The following IQSEC1 variants were observed in gnomAD, a reference collection of about 807,000 sequenced individuals.
IQSEC1 encodes IQ motif and SEC7 domain-containing protein 1.
A neutral mutation model predicts 91.0 loss-of-function variants in IQSEC1; 31 were observed. That is an observed-to-expected ratio of 0.34 (90% CI 0.26 to 0.46). The LOEUF (loss-of-function observed/expected upper bound fraction) is 0.46. IQSEC1 is among the 20% of genes least tolerant of loss of function. IQSEC1 has a pLI of 1.00. For missense variants in IQSEC1, 1,388 were observed against 1,575.6 expected, an observed-to-expected ratio of 0.88 and a Z score of 2.02; for synonymous variants, 699 against 662.6, an observed-to-expected ratio of 1.05 and a Z score of -0.84.
At chr3:13,241,507 C>A (rs1182520865) in intron 1 of IQSEC1, among the ~76,000 whole-genome samples, 2 of 152,256 alleles carry the variant, frequency 1.3e-5, no homozygotes. Flanking sequence ...AGCCACCTTG[C>A]CCAGCCCTTG....
chr3:13,269,361 CT>C (rs1212874868), intron 1 of IQSEC1, among the ~76,000 whole-genome samples: 2 of 152,364 alleles, frequency 1.3e-5, no homozygotes, highest in Non-Finnish European at 2.9e-5. Flanking sequence ...TCCAGACCCC[CT>C]TTCCCTCTCT....
At chr3:13,018,896 G>T (rs1703267050) in intron 1 of IQSEC1, among the ~76,000 whole-genome samples, 1 of 152,184 alleles carries the variant, frequency 6.6e-6, no homozygotes, top group African/African-American at 2.4e-5. Context: ...TTGAACTCAG[G>T]TCAGCCTGAT....
At chr3:13,126,091 C>A (rs1358661635) in intron 2 of IQSEC1, among the ~76,000 whole-genome samples, 1 of 152,194 alleles carries the variant, frequency 6.6e-6, no homozygotes, top group African/African-American at 2.4e-5. Context: ...ACACACAATA[C>A]TCTGGACATA....
intron 1 of IQSEC1, among the ~76,000 whole-genome samples, chr3:13,071,284 A>C (rs996939542): frequency 2.0e-5 from 3 of 151,382 alleles, no homozygotes; most frequent in Non-Finnish European, 4.4e-5. Flanking sequence ...CAGTTTCCCC[A>C]TCTCTAAAAT....
intron 1 of IQSEC1, among the ~76,000 whole-genome samples, chr3:13,249,571 C>T (rs1695160624): frequency 6.6e-6 from 1 of 152,156 alleles, no homozygotes; most frequent in East Asian, 1.9e-4. Context: ...TCCCTTACTT[C>T]AGTCACATTA....
At position 13,066,796 on chromosome 3, in the gene IQSEC1, T is replaced by G. The variant is rs375373063; in HGVS notation, c.23+6196A>C. 4.2e-3 allele frequency among the ~76,000 whole-genome samples: 635 copies of G among 152,358 alleles called. 45 individuals are homozygous for G. In the South Asian group the frequency reaches 0.11, roughly 27 times the overall value. On this transcript the variant is annotated intron_variant, in intron 1 of 13. Coordinates refer to ENST00000613206, the MANE Select transcript of IQSEC1 (RefSeq NM_001134382.3). ...GTCCCTTCTCTGGGCGGTAGCTCCATGCAGGCAGGGCGGGCCTGGTCCATT... is the reference window on the plus strand; with the variant it reads ...GTCCCTTCTCTGGGCGGTAGCTCCAGGCAGGCAGGGCGGGCCTGGTCCATT...
chr3:12,916,233 T>C (rs1042836868), intron 6 of IQSEC1, among the ~76,000 whole-genome samples: 20 of 152,134 alleles, frequency 1.3e-4, no homozygotes, highest in African/African-American at 4.3e-4. Flanking sequence ...CTAAAACACC[T>C]TGCCCACAGC....
intron 1 of IQSEC1, among the ~76,000 whole-genome samples, chr3:13,254,903 C>T (rs548002970): frequency 1.3e-4 from 20 of 152,326 alleles, no homozygotes; most frequent in African/African-American, 3.8e-4. Context: ...GGCCTCCATG[C>T]GGTCTCTGTG....
chr3:13,122,938 T>C (rs1576260359), intron 2 of IQSEC1, among the ~76,000 whole-genome samples: 1 of 152,124 alleles, frequency 6.6e-6, no homozygotes, highest in Non-Finnish European at 1.5e-5. Flanking sequence ...CACAGGCTGG[T>C]GACCCGGCCC....
Position 12,908,220 on chromosome 3 carries a change from G to A in IQSEC1, c.2755+129C>T. 1.1e-6 allele frequency: 1 copy of A among 931,236 alleles called. No individual in the cohort carries two copies. The highest frequency in any genetic ancestry group is 1.6e-6 in the Non-Finnish European group (1 of 626,996). 57.7% of individuals were successfully genotyped at this position (931,236 alleles called of 1,614,324 possible). On this transcript the variant is annotated intron_variant, in intron 12 of 13. Coordinates refer to ENST00000613206, the MANE Select transcript of IQSEC1 (RefSeq NM_001134382.3). The surrounding 1 kb of genome is among the most constrained non-coding windows in gnomAD (Gnocchi z 4.9). ...TCACACGCTGCTCTGCTTTGCGGAAGGTCAGGGGAAATGCCGCACTGGCTT... is the reference window on the plus strand; with the variant it reads ...TCACACGCTGCTCTGCTTTGCGGAAAGTCAGGGGAAATGCCGCACTGGCTT...
intron 1 of IQSEC1, among the ~76,000 whole-genome samples, chr3:13,181,555 A>C (rs1693844998): frequency 6.6e-6 from 1 of 152,248 alleles, no homozygotes; most frequent in Non-Finnish European, 1.5e-5. Flanking sequence ...ATTACAGGCC[A>C]GGCACTATAC....
At chr3:13,057,818 T>C (rs1057010177) in intron 1 of IQSEC1, among the ~76,000 whole-genome samples, 1 of 152,146 alleles carries the variant, frequency 6.6e-6, no homozygotes, top group Non-Finnish European at 1.5e-5. Context: ...CTCCCTGCTG[T>C]TTTAGGGCTC....
chr3:12,899,283 A>T lies in IQSEC1; in HGVS notation c.*1700T>A. On this transcript the variant is annotated 3_prime_UTR_variant, in exon 14 of 14. Transcript: ENST00000613206. The stretch of plus-strand genomic sequence containing the variant: ...CCGGCCACGGCTCACCACGCTGTCC[A>T]CTGGGAACGCGGCCCCGCGGCCCGC... 1 of 1,275,370 alleles carries T rather than the reference A, an allele frequency of 7.8e-7. No homozygotes were observed. Among genetic ancestry groups the T allele is most frequent in the Non-Finnish European group, 1.1e-6 (1 of 902,784 alleles). The allele number at this position is 1,275,370 out of a possible 1,614,324, so 79.0% of individuals were successfully genotyped here. A position where few individuals can be genotyped will look rare whatever the true frequency, so the allele number is the denominator to read the frequency against.
At chr3:13,204,539 GCTGCGCCT>G (rs1694305877) in intron 1 of IQSEC1, among the ~76,000 whole-genome samples, 1 of 152,238 alleles carries the variant, frequency 6.6e-6, no homozygotes, top group African/African-American at 2.4e-5. Context: ...AGCGGCTCAC[GCTGCGCCT>G]CAGCTGCCCC....
intron 2 of IQSEC1, among the ~76,000 whole-genome samples, chr3:13,155,354 T>C (rs1224997229): frequency 1.3e-5 from 2 of 152,192 alleles, no homozygotes; most frequent in East Asian, 1.9e-4. Context: ...CTGTAAGTAA[T>C]TGTACAAGAA....
chr3:13,055,963 A>G (rs1241287094), intron 1 of IQSEC1, among the ~76,000 whole-genome samples: 1 of 151,980 alleles, frequency 6.6e-6, no homozygotes. Flanking sequence ...CACCACCGAG[A>G]TGTCCCCCCC....
chr3:12,935,317 G>A lies in IQSEC1; in HGVS notation c.1568+131C>T. ...GCACCGTCCTAGCCACCGACCTTGT[G>A]TGGCAGCTTCCTATGCTCATAGGCC... On this transcript the variant is annotated intron_variant, in intron 3 of 13. Coordinates refer to ENST00000613206, the MANE Select transcript of IQSEC1 (RefSeq NM_001134382.3). The surrounding 1 kb of genome is among the most constrained non-coding windows in gnomAD (Gnocchi z 8.0). 5 of 866,900 alleles carry A rather than the reference G, an allele frequency of 5.8e-6. No individual in the cohort carries two copies. Among genetic ancestry groups the A allele is most frequent in the Admixed American group, 2.5e-5 (1 of 40,286 alleles). The allele number at this position is 866,900 out of a possible 1,614,324, so 53.7% of individuals were successfully genotyped here.
intron 1 of IQSEC1, among the ~76,000 whole-genome samples, chr3:12,966,242 C>T (rs1700556916): frequency 5.9e-5 from 9 of 152,230 alleles, no homozygotes; most frequent in Admixed American, 5.9e-4. Context: ...AGCCCCCCAA[C>T]CCCACTTGGA....
At chr3:13,229,579 G>C (rs759241132) in intron 1 of IQSEC1, among the ~76,000 whole-genome samples, 18 of 152,200 alleles carry the variant, frequency 1.2e-4, no homozygotes, top group Non-Finnish European at 1.9e-4. Flanking sequence ...TGGGAGGAGG[G>C]GGGACCTTGA....
Sources: allele counts gnomAD v4.1 joint callset (sites outside exome capture counted in the v4.1 genomes callset), GRCh38; gene constraint gnomAD v4.1.1; non-coding constraint Gnocchi (gnomAD v3.1); transcripts MANE v1.5; gene names NCBI Gene and HGNC (gene_info 2026-07-23, HGNC 2026-07-21).